The following DNAJC22 variants were observed in gnomAD, a reference collection of about 807,000 sequenced individuals.
DNAJC22 encodes the protein DnaJ heat shock protein family (Hsp40) member C22, also known as dnaJ homolog subfamily C member 22.
In DNAJC22, 24 loss-of-function variants were observed where a neutral mutation model predicts 22.2. The ratio of observed to expected loss-of-function variants is 1.08; its 90% confidence interval spans 0.78 to 1.52. The LOEUF is 1.52. Among genes scored for constraint, DNAJC22 ranks in the 40% most tolerant of loss-of-function variants. The pLI is 0.00. For missense variants in DNAJC22, 434 were observed against 421.7 expected (o/e 1.03, Z -0.26); for synonymous variants, 160 against 167.4 (o/e 0.96, Z 0.34).
rs745764293 is a variant in DNAJC22 at position 49,349,489 on chromosome 12, C to T, written c.617C>T (p.Ala206Val). ...LAYSALCNTA[A>V]TLSYVAETFG... ...TACAGTGCCCTCTGCAACACAGCTG[C>T]CACCCTCAGCTATGTGGCAGAAACC... Residue 206 changes from alanine (A) to valine (V), a missense_variant, in exon 3 of 4, where the codon GCC becomes GTC. By Grantham distance (64) the Ala-to-Val change is moderately conservative. Transcript: ENST00000549441. 3 of 1,614,254 alleles carry T rather than the reference C, an allele frequency of 1.9e-6. No individual in the cohort carries two copies. Among genetic ancestry groups the T allele is most frequent in the East Asian group, 2.2e-5 (1 of 44,884 alleles).
At position 49,349,465 on chromosome 12, in the gene DNAJC22, A is replaced by G. The variant is rs773663924; in HGVS notation, c.593A>G (p.Tyr198Cys). Residue 198 changes from tyrosine (Y) to cysteine (C), a missense_variant, in exon 3 of 4, where the codon TAC becomes TGC. Coordinates refer to ENST00000549441, the MANE Select transcript of DNAJC22 (RefSeq NM_001304944.2). ...CTTGCTTTCACAGGCCCACTGGCAT[A>G]CAGTGCCCTCTGCAACACAGCTGCC... ...AYLAFTGPLA[Y>C]SALCNTAATL... 4 of 1,614,230 alleles carry G rather than the reference A, an allele frequency of 2.5e-6. No individual in the cohort carries two copies. Among genetic ancestry groups the G allele is most frequent in the Non-Finnish European group, 3.4e-6 (4 of 1,180,030 alleles).
chr12:49,349,472 C>T lies in DNAJC22; in HGVS notation c.600C>T (p.Ala200=), dbSNP rs369480934. 176 of 1,614,130 alleles carry T rather than the reference C, an allele frequency of 1.1e-4. No homozygotes were observed. Among genetic ancestry groups the T allele is most frequent in the Non-Finnish European group, 1.4e-4 (161 of 1,180,046 alleles). ...TCACAGGCCCACTGGCATACAGTGC[C>T]CTCTGCAACACAGCTGCCACCCTCA... is the stretch of plus-strand genomic sequence containing the variant. ...LAFTGPLAYS[A]LCNTAATLSY... is the part of the protein sequence containing the mutation. The change falls in exon 3 of 4, where the codon GCC becomes GCT. Residue 200 remains alanine, a synonymous_variant. Coordinates refer to ENST00000549441, the MANE Select transcript of DNAJC22 (RefSeq NM_001304944.2).
chr12:49,349,535 G>C lies in DNAJC22; in HGVS notation c.663G>C (p.Trp221Cys), dbSNP rs747445650. 1.2e-6 allele frequency: 2 copies of C among 1,614,114 alleles called. No homozygotes were observed. The highest frequency in any genetic ancestry group is 2.7e-5 in the African/African-American group (2 of 74,932). The change falls in exon 3 of 4, where the codon TGG (tryptophan) becomes TGC (cysteine). Residue 221 changes from tryptophan (W) to cysteine (C), a missense_variant. Transcript: ENST00000549441. Reference sequence around the variant, plus strand: ...AAACCTTTGGCTCCTTCTTGAATTGGTTCAGCTTCTTCCCCCTTCTTGGCC... The same window carrying C: ...AAACCTTTGGCTCCTTCTTGAATTGCTTCAGCTTCTTCCCCCTTCTTGGCC... ...VAETFGSFLN[W>C]FSFFPLLGRL...
Position 49,348,901 on chromosome 12 carries a change from C to G in DNAJC22, c.29C>G (p.Ala10Gly). 2 of 1,512,178 alleles carry G rather than the reference C, an allele frequency of 1.3e-6. No homozygotes were observed. Among genetic ancestry groups the G allele is most frequent in the South Asian group, 2.7e-5 (2 of 73,746 alleles). The allele number at this position is 1,512,178 out of a possible 1,614,324, so 93.7% of individuals were successfully genotyped here. The change falls in exon 3 of 4, where the codon GCC (alanine) becomes GGC (glycine). Residue 10 changes from alanine (A) to glycine (G), a missense_variant. Coordinates refer to ENST00000549441, the MANE Select transcript of DNAJC22 (RefSeq NM_001304944.2). ...GCCAAGGGGCTCCTGGTGACCTATG[C>G]CCTCTGGGCTGTGGGGGGCCCTGCT... MAKGLLVTY[A>G]LWAVGGPAGL... is the part of the protein sequence containing the mutation.
Position 49,352,965 on chromosome 12 carries a change from A to G in DNAJC22, c.*1463A>G, listed in dbSNP as rs1043781293. ...TAATGACACAGGTACACAGATATCA[A>G]AGCCCTTGTTCAGTGTTTTGAACTA... On this transcript the variant is annotated 3_prime_UTR_variant, in exon 4 of 4. Transcript: ENST00000549441. 3 of 152,238 alleles carry G rather than the reference A, an allele frequency of 2.0e-5. No individual in the cohort carries two copies. Among genetic ancestry groups the G allele is most frequent in the Admixed American group, 6.5e-5 (1 of 15,280 alleles). The allele number at this position is 152,238 out of a possible 1,614,324, so 9.4% of individuals were successfully genotyped here.
rs1187662649 is a variant in DNAJC22, at chr12:49,352,738, C to T, written c.*1236C>T. The T allele has an allele frequency of 6.6e-6, 1 of 152,104 alleles. No homozygotes were observed. Among genetic ancestry groups the T allele is most frequent in the Non-Finnish European group, 1.5e-5 (1 of 68,022 alleles). The allele number at this position is 152,104 out of a possible 1,614,324, so 9.4% of individuals were successfully genotyped here. A position where few individuals can be genotyped will look rare whatever the true frequency, so the allele number is the denominator to read the frequency against. ...TTCCATTTATGGGAGAACTTTCTAG[C>T]AGCTACACTTTCTCCAAAAGGGAAC... is the stretch of plus-strand genomic sequence containing the variant. On this transcript the variant is annotated 3_prime_UTR_variant, in exon 4 of 4. Coordinates refer to ENST00000549441, the MANE Select transcript of DNAJC22 (RefSeq NM_001304944.2).
rs1376277525 is a variant in DNAJC22, at chr12:49,348,080, A to G, written c.-133A>G. On this transcript the variant is annotated 5_prime_UTR_variant, in exon 2 of 4. Transcript: ENST00000549441. Reference sequence around the variant, plus strand: ...GTGGTCAAAGGAAATGACTGGTCTGACTCGGTCTGGGAGCGGGGCACCCAG... The same window carrying G: ...GTGGTCAAAGGAAATGACTGGTCTGGCTCGGTCTGGGAGCGGGGCACCCAG... 6.6e-6 allele frequency: 1 copy of G among 152,206 alleles called. No individual in the cohort carries two copies. The highest frequency in any genetic ancestry group is 2.4e-5 in the African/African-American group (1 of 41,410). The allele number at this position is 152,206 out of a possible 1,614,324, so 9.4% of individuals were successfully genotyped here. A position where few individuals can be genotyped will look rare whatever the true frequency, so the allele number is the denominator to read the frequency against.
intron 2 of DNAJC22, among the ~76,000 whole-genome samples, 181 bp downstream of exon 2, chr12:49,348,286 G>A (rs1943726094): frequency 6.6e-6 from 1 of 152,196 alleles, no homozygotes; most frequent in African/African-American, 2.4e-5. Flanking sequence ...CCAAGGTCTA[G>A]GTCAAACGAA....
At chr12:49,348,346 G>A (rs1943726777) in intron 2 of DNAJC22, among the ~76,000 whole-genome samples, 1 of 152,178 alleles carries the variant, frequency 6.6e-6, no homozygotes, top group African/African-American at 2.4e-5. Flanking sequence ...TTTCAAGTTT[G>A]ACCTGTGGGA....
rs947541193 is a variant in DNAJC22, at chr12:49,346,999, G to C, written c.-1122G>C. ...CCTACTGCCGGGAGGTGACACCCGC[G>C]AGGCCGACCGTCCCCCGAAGCCCCC... is the stretch of plus-strand genomic sequence containing the variant. On this transcript the variant is annotated 5_prime_UTR_variant, in exon 1 of 4. Transcript: ENST00000549441. The C allele has an allele frequency of 6.6e-6, 1 of 152,304 alleles. No homozygotes were observed. The highest frequency in any genetic ancestry group is 1.5e-5 in the Non-Finnish European group (1 of 68,102). 9.4% of individuals were successfully genotyped at this position (152,304 alleles called of 1,614,324 possible).
intron 3 of DNAJC22, among the ~76,000 whole-genome samples, chr12:49,350,302 C>T (rs1016502632): frequency 2.6e-5 from 4 of 152,060 alleles, no homozygotes; most frequent in African/African-American, 9.7e-5. Context: ...GTTTCCAACT[C>T]CTGACCTCAG....
In DNAJC22 at chr12:49,349,082, A is replaced by T; in HGVS notation, c.210A>T (p.Arg70Ser). ...NRAQGQRQSPRGVTPPLSPIR... is the reference protein window; with the variant it reads ...NRAQGQRQSPSGVTPPLSPIR... ...CCCAGGGACAGAGGCAGAGCCCCAG[A>T]GGGGTGACACCCCCTCTGAGTCCCA... The change falls in exon 3 of 4, where the codon AGA becomes AGT. Residue 70 changes from arginine to serine, a missense_variant. Physicochemically the swap from Arg to Ser is moderately radical, Grantham distance 110. Transcript: ENST00000549441. 6.2e-7 allele frequency: 1 copy of T among 1,614,078 alleles called. No homozygotes were observed. Among genetic ancestry groups the T allele is most frequent in the Non-Finnish European group, 8.5e-7 (1 of 1,179,974 alleles).
chr12:49,349,611 A>AT lies in DNAJC22; in HGVS notation c.740dup (p.Met247IlefsTer19). 6.2e-7 allele frequency: 1 copy of AT among 1,614,130 alleles called. No homozygotes were observed. The highest frequency in any genetic ancestry group is 1.1e-5 in the South Asian group (1 of 91,078). On this transcript the variant is annotated frameshift_variant, in exon 3 of 4. Transcript: ENST00000549441. LOFTEE classifies it high-confidence loss of function. ...GCCTTACCGGATCTGGAGGCTACTG[A>AT]TGGGGGAGACTGGCTTCAACAGCAG...
rs777017232 is a variant in DNAJC22, at chr12:49,349,554, C to A, written c.682C>A (p.Leu228Ile). 3 of 1,614,276 alleles carry A rather than the reference C, an allele frequency of 1.9e-6. No individual in the cohort carries two copies. In the East Asian group the frequency reaches 6.7e-5, roughly 36 times the overall value. The change falls in exon 3 of 4, where the codon CTT (leucine) becomes ATT (isoleucine). Residue 228 changes from leucine (L) to isoleucine (I), a missense_variant. By Grantham distance (5) the Leu-to-Ile change is conservative. Transcript: ENST00000549441. ...GAATTGGTTCAGCTTCTTCCCCCTT[C>A]TTGGCCGCCTCATGGAGTTTGTCCT... ...FLNWFSFFPL[L>I]GRLMEFVLLL...
intron 3 of DNAJC22, 54 bp from the exon 4 acceptor site, chr12:49,351,263 C>A (rs1286529318): frequency 1.1e-5 from 18 of 1,610,792 alleles, no homozygotes; most frequent in Non-Finnish European, 1.4e-5. Context: ...AGGAGAGGCC[C>A]AGGTACCCTG....
intron 2 of DNAJC22, 127 bp downstream of exon 2, chr12:49,348,232 C>T (rs1943725166): frequency 6.6e-6 from 1 of 152,222 alleles, no homozygotes. Context: ...TGTGGAGTGG[C>T]TTTCCAAGCC....
chr12:49,349,983 T>C, intron 3 of DNAJC22: 1 of 594,842 alleles, frequency 1.7e-6, no homozygotes, highest in African/African-American at 2.0e-5. Flanking sequence ...ACTAAGAAGT[T>C]TCTTTTATTC....
chr12:49,351,500 T>C lies in DNAJC22; in HGVS notation c.1024T>C (p.Ter342ArgextTer6). 1 of 1,533,320 alleles carries C rather than the reference T, an allele frequency of 6.5e-7. No homozygotes were observed. The highest frequency in any genetic ancestry group is 8.7e-7 in the Non-Finnish European group (1 of 1,148,022). 95.0% of individuals were successfully genotyped at this position (1,533,320 alleles called of 1,614,324 possible). A position where few individuals can be genotyped will look rare whatever the true frequency, so the allele number is the denominator to read the frequency against. The change falls in exon 4 of 4, where the codon TGA becomes CGA. Residue 342 changes from the stop codon to arginine (R), a stop_lost. Coordinates refer to ENST00000549441, the MANE Select transcript of DNAJC22 (RefSeq NM_001304944.2). ...QPRKPWGSRR[*>R] ...CAGGAAGCCCTGGGGATCCCGGAGG[T>C]GAAAAGAAACTTCCCCCTGAGGACT...
Position 49,346,970 on chromosome 12 carries a change from T to C in DNAJC22, c.-1151T>C, listed in dbSNP as rs889837025. The C allele has an allele frequency of 1.3e-5, 2 of 152,258 alleles. No individual in the cohort carries two copies. Among genetic ancestry groups the C allele is most frequent in the South Asian group, 2.1e-4 (1 of 4,836 alleles). 9.4% of individuals were successfully genotyped at this position (152,258 alleles called of 1,614,324 possible). ...GCTGAGGGCGTTTGGAGGGAAGCGC[T>C]CTGCCTACTGCCGGGAGGTGACACC... On this transcript the variant is annotated 5_prime_UTR_variant, in exon 1 of 4. Coordinates refer to ENST00000549441, the MANE Select transcript of DNAJC22 (RefSeq NM_001304944.2).
Sources: gnomAD v4.1 joint callset for allele counts (sites outside exome capture counted in the v4.1 genomes callset) on GRCh38, gnomAD v4.1.1 for gene constraint, MANE v1.5 for transcripts, NCBI Gene and HGNC (gene_info 2026-07-23, HGNC 2026-07-21) for gene names.